Variants in ZNF512B observed in about 807,000 individuals in gnomAD.
ZNF512B encodes the protein zinc finger protein 512B.
Under a neutral mutation model 87.8 loss-of-function variants are expected in ZNF512B, and 22 were observed. The ratio of observed to expected loss-of-function variants is 0.25; its 90% CI spans 0.18 to 0.36. ZNF512B has a LOEUF of 0.36. ZNF512B is among the 10% of genes least tolerant of loss of function. The pLI is 1.00. For synonymous variants in ZNF512B, 524 were observed against 490.9 expected (o/e 1.07, Z -0.89); for missense variants, 1,060 against 1,231.6 (o/e 0.86, Z 2.09).
intron 1 of ZNF512B, chr20:63,969,240 G>T: frequency 1.0e-6 from 1 of 954,440 alleles, no homozygotes; most frequent in Non-Finnish European, 1.2e-6. Flanking sequence ...TTTTTCTGAA[G>T]CCTGGGAGAA....
chr20:63,963,080 C>T lies in ZNF512B; in HGVS notation c.1968+15G>A. 3 of 1,542,580 alleles carry T rather than the reference C, an allele frequency of 1.9e-6. No individual in the cohort carries two copies. The East Asian group carries it at 7.1e-5, about 37-fold the overall frequency. On this transcript the variant is annotated intron_variant, in intron 12 of 16. Coordinates refer to ENST00000369888, the MANE Select transcript of ZNF512B (RefSeq NM_020713.3). ...CAGGAACAAGCACTGTGCCACAGAA[C>T]AGAGAGCCACTCACGGGGGCCGTGT... is the stretch of plus-strand genomic sequence containing the variant.
At position 63,967,922 on chromosome 20, in the gene ZNF512B, CGG is replaced by C; in HGVS notation, c.27_28del (p.Arg10SerfsTer26). On this transcript the variant is annotated frameshift_variant, in exon 2 of 17. Transcript: ENST00000369888. LOFTEE classifies it high-confidence loss of function. ...ACTCTTGCTGGACCCCGGGAGCCGA[CGG>C]CCTCCAACGCAGAAAGGATCCGTCA... is the stretch of plus-strand genomic sequence containing the variant. The C allele has an allele frequency of 1.2e-6, 2 of 1,612,220 alleles. No homozygotes were observed. Among genetic ancestry groups the C allele is most frequent in the Non-Finnish European group, 1.7e-6 (2 of 1,179,242 alleles).
In ZNF512B at chr20:63,964,527, C is replaced by T. The variant is rs369782708; in HGVS notation, c.1224G>A (p.Ala408=). ...GMEALKAAGP[A]SPPEEDPERT... is the part of the protein sequence containing the mutation. ...GCTCCGGGTCCTCCTCAGGCGGGGA[C>T]GCAGGGCCTGCAGCCTTCAGTGCCT... The change falls in exon 6 of 17, where the codon GCG becomes GCA. Residue 408 remains alanine, a synonymous_variant. Transcript: ENST00000369888. The T allele has an allele frequency of 2.7e-5, 44 of 1,612,658 alleles. 1 individual carries two copies. The African/African-American group carries it at 2.9e-4, about 11-fold the overall frequency.
chr20:63,964,081 G>A lies in ZNF512B; in HGVS notation c.1470C>T (p.His490=). Reference sequence around the variant, plus strand: ...CCAGGCAGCCCCTACCTGGAGCTGGGTGGGCCACAGGGGCCGGTGCCTCCT... The same window carrying A: ...CCAGGCAGCCCCTACCTGGAGCTGGATGGGCCACAGGGGCCGGTGCCTCCT... ...VSKEAPAPVA[H]PAPGGPEEQW... The change falls in exon 8 of 17, where the codon CAC becomes CAT. Residue 490 remains histidine, a synonymous_variant. Coordinates refer to ENST00000369888, the MANE Select transcript of ZNF512B (RefSeq NM_020713.3). 1 of 1,608,702 alleles carries A rather than the reference G, an allele frequency of 6.2e-7. No homozygotes were observed. The highest frequency in any genetic ancestry group is 8.5e-7 in the Non-Finnish European group (1 of 1,179,522).
chr20:63,967,128 G>A lies in ZNF512B; in HGVS notation c.265-124C>T, dbSNP rs573007181. 313 of 1,449,820 alleles carry A rather than the reference G, an allele frequency of 2.2e-4. No homozygotes were observed. The South Asian group carries it at 2.6e-3, about 12-fold the overall frequency. The allele number at this position is 1,449,820 out of a possible 1,614,324, so 89.8% of individuals were successfully genotyped here. Reference sequence around the variant, plus strand: ...CACACCACATGAGCCCCTCAACCTCGGGACTGCAGTGGGAATTCAAGCCAC... The same window carrying A: ...CACACCACATGAGCCCCTCAACCTCAGGACTGCAGTGGGAATTCAAGCCAC... On this transcript the variant is annotated intron_variant, in intron 3 of 16. Transcript: ENST00000369888.
rs567388818 is a variant in ZNF512B at position 63,959,737 on chromosome 20, G to T, written c.*151C>A. The T allele has an allele frequency of 3.1e-5, 39 of 1,241,128 alleles. No individual in the cohort carries two copies. In the South Asian group the frequency reaches 6.1e-4, roughly 19 times the overall value. 76.9% of individuals were successfully genotyped at this position (1,241,128 alleles called of 1,614,324 possible). ...CTTAACAGGGGAAGGGCCACCTTCA[G>T]GGAAGGGAGAGTGGCTGGCTGCCCC... On this transcript the variant is annotated 3_prime_UTR_variant, in exon 17 of 17. Transcript: ENST00000369888.
rs1213771139 is a variant in ZNF512B at position 63,957,060 on chromosome 20, G to A, written c.*2828C>T. The stretch of plus-strand genomic sequence containing the variant: ...CCCCAGACCCGGGCCTGGGGGAGCC[G>A]CCTGGGGCCCCGCCAAACGCGGCAC... On this transcript the variant is annotated 3_prime_UTR_variant, in exon 17 of 17. Transcript: ENST00000369888. The A allele has an allele frequency of 6.6e-6, 1 of 152,366 alleles. No individual in the cohort carries two copies. Among genetic ancestry groups the A allele is most frequent in the Non-Finnish European group, 1.5e-5 (1 of 68,014 alleles). 9.4% of individuals were successfully genotyped at this position (152,366 alleles called of 1,614,324 possible).
At position 63,966,669 on chromosome 20, in the gene ZNF512B, G is replaced by A. The variant is rs140764494; in HGVS notation, c.506C>T (p.Pro169Leu). The A allele has an allele frequency of 2.5e-6, 4 of 1,613,146 alleles. No homozygotes were observed. Among genetic ancestry groups the A allele is most frequent in the Non-Finnish European group, 3.4e-6 (4 of 1,179,944 alleles). Residue 169 changes from proline (P) to leucine (L), a missense_variant, in exon 5 of 17, where the codon CCT becomes CTT. Coordinates refer to ENST00000369888, the MANE Select transcript of ZNF512B (RefSeq NM_020713.3). ...GCTGATGGGCCCAGGCTTGGAGGCAGGCAGGGGTCGGTCCATGTGGTTCCA... is the reference window on the plus strand; with the variant it reads ...GCTGATGGGCCCAGGCTTGGAGGCAAGCAGGGGTCGGTCCATGTGGTTCCA... Reference protein sequence around the residue: ...RIWNHMDRPLPASKPGPISRP... With the variant: ...RIWNHMDRPLLASKPGPISRP...
rs956297047 is a variant in ZNF512B, at chr20:63,958,114, GACAGGAAGTGTTCTGCA to G, written c.*1757_*1773del. The G allele has an allele frequency of 1.5e-4, 23 of 152,348 alleles. No homozygotes were observed. Among genetic ancestry groups the G allele is most frequent in the African/African-American group, 5.5e-4 (23 of 41,544 alleles). 9.4% of individuals were successfully genotyped at this position (152,348 alleles called of 1,614,324 possible). On this transcript the variant is annotated 3_prime_UTR_variant, in exon 17 of 17. Transcript: ENST00000369888. Reference sequence around the variant, plus strand: ...CTTCTGGCCCAAGGATGAAGCCAGAGACAGGAAGTGTTCTGCAACCCCAGTCCCCAAAGTGCTCCTGG... The same window carrying G: ...CTTCTGGCCCAAGGATGAAGCCAGAGACCCCAGTCCCCAAAGTGCTCCTGG...
Position 63,963,277 on chromosome 20 carries a change from G to A in ZNF512B, c.1798-12C>T. The A allele has an allele frequency of 6.5e-7, 1 of 1,541,412 alleles. No homozygotes were observed. The highest frequency in any genetic ancestry group is 8.7e-7 in the Non-Finnish European group (1 of 1,147,010). ...GCAGCCCCGCAACCCTGGGGGTCAG[G>A]CCAGAGGGTGGGTGAGTGGCCAGCA... is the stretch of plus-strand genomic sequence containing the variant. On this transcript the variant is annotated splice_polypyrimidine_tract_variant and intron_variant, in intron 11 of 16. Transcript: ENST00000369888.
Position 63,962,991 on chromosome 20 carries a change from C to T in ZNF512B, c.1968+104G>A, listed in dbSNP as rs555490186. ...CTTACAGAGAGGGGTGGGAAACACA[C>T]GCGTTGGGCGGTACATGGACAAATA... is the stretch of plus-strand genomic sequence containing the variant. On this transcript the variant is annotated intron_variant, in intron 12 of 16. Transcript: ENST00000369888. The T allele has an allele frequency of 4.0e-5, 55 of 1,390,206 alleles. No homozygotes were observed. The East Asian group carries it at 5.8e-4, about 15-fold the overall frequency. 86.1% of individuals were successfully genotyped at this position (1,390,206 alleles called of 1,614,324 possible).
intron 13 of ZNF512B, 97 bp downstream of exon 13, chr20:63,962,490 G>A: frequency 6.4e-7 from 1 of 1,552,118 alleles, no homozygotes; most frequent in Non-Finnish European, 8.7e-7. Context: ...GCAGCGGGTG[G>A]CCCAGGTCAC....
In ZNF512B at chr20:63,958,033, C is replaced by G. The variant is rs535453136; in HGVS notation, c.*1855G>C. The G allele has an allele frequency of 6.6e-6, 1 of 152,186 alleles. No individual in the cohort carries two copies. The allele number at this position is 152,186 out of a possible 1,614,324, so 9.4% of individuals were successfully genotyped here. On this transcript the variant is annotated 3_prime_UTR_variant, in exon 17 of 17. Transcript: ENST00000369888. The stretch of plus-strand genomic sequence containing the variant: ...GAGGTGTGCGTGGGTGGGGGGAGTC[C>G]GGGTCTCCACACCCACTCCCTGGCA...
chr20:63,967,231 A>G, intron 3 of ZNF512B, 150 bp downstream of exon 3: 1 of 1,346,180 alleles, frequency 7.4e-7, no homozygotes. Context: ...CATCAGATAC[A>G]AAGCCAGGCC....
chr20:63,968,464 T>C (rs1199896787), intron 1 of ZNF512B, among the ~76,000 whole-genome samples: 1 of 152,116 alleles, frequency 6.6e-6, no homozygotes. Flanking sequence ...GGGCACAGCT[T>C]CTCACTGGGG....
chr20:63,963,947 G>A (rs371663801), intron 8 of ZNF512B, 34 bp from the exon 9 acceptor site: 2 of 1,604,030 alleles, frequency 1.2e-6, no homozygotes, highest in Non-Finnish European at 1.7e-6. Flanking sequence ...AAGGCTTGTG[G>A]GGGCTGCTGG....
intron 4 of ZNF512B, 22 bp downstream of exon 4, chr20:63,966,854 C>G: frequency 6.2e-7 from 1 of 1,613,460 alleles, no homozygotes; most frequent in Middle Eastern, 1.7e-4. Context: ...GGCCTCCTCT[C>G]CCCCGACCCA....
chr20:63,960,119 T>C lies in ZNF512B; in HGVS notation c.2448A>G (p.Ala816=). 1 of 1,613,898 alleles carries C rather than the reference T, an allele frequency of 6.2e-7. No individual in the cohort carries two copies. Among genetic ancestry groups the C allele is most frequent in the Non-Finnish European group, 8.5e-7 (1 of 1,179,996 alleles). Reference sequence around the variant, plus strand: ...GGCTCCTGTGTTTGGGAGGTGGGTCTGCTGATGTTCGGAACCAGTTCTGGG... The same window carrying C: ...GGCTCCTGTGTTTGGGAGGTGGGTCCGCTGATGTTCGGAACCAGTTCTGGG... ...THAENWFRTS[A]DPPPKHRSQD... The change falls in exon 17 of 17, where the codon GCA becomes GCG. Residue 816 remains alanine, a synonymous_variant. Coordinates refer to ENST00000369888, the MANE Select transcript of ZNF512B (RefSeq NM_020713.3).
In ZNF512B at chr20:63,962,637, C is replaced by G. The variant is rs370687431; in HGVS notation, c.2113G>C (p.Asp705His). 4 of 1,607,194 alleles carry G rather than the reference C, an allele frequency of 2.5e-6. No homozygotes were observed. The South Asian group carries it at 4.4e-5, about 18-fold the overall frequency. The change falls in exon 13 of 17, where the codon GAC (aspartate) becomes CAC (histidine). Residue 705 changes from aspartate (D) to histidine (H), a missense_variant. Asp to His is a moderately conservative substitution (Grantham distance 81). This residue lies in a region of ZNF512B where 253 missense variants were observed against 259.2 expected (regional missense o/e 0.98). Coordinates refer to ENST00000369888, the MANE Select transcript of ZNF512B (RefSeq NM_020713.3). ...QEIAEDELARDWTKRRMKDDL... is the reference protein window; with the variant it reads ...QEIAEDELARHWTKRRMKDDL... ...TCCTTCATGCGCCGCTTGGTCCAGT[C>G]GCGGGCCAGCTCGTCCTCCGCTATC...
Sources: allele counts gnomAD v4.1 joint callset (sites outside exome capture counted in the v4.1 genomes callset), GRCh38; gene constraint gnomAD v4.1.1; regional missense constraint gnomAD v4.1.1; transcripts MANE v1.5; gene names NCBI Gene and HGNC (gene_info 2026-07-23, HGNC 2026-07-21).